Variants in CAMTA1 observed in about 807,000 individuals in gnomAD.
CAMTA1 encodes the protein calmodulin binding transcription activator 1, also known as calmodulin-binding transcription activator 1.
In CAMTA1, 27 loss-of-function variants were observed where a neutral mutation model predicts 170.9. That is an observed-to-expected ratio of 0.16 (90% CI 0.12 to 0.22). The LOEUF (loss-of-function observed/expected upper bound fraction) is 0.22, where lower values mean the gene tolerates loss of function less well. CAMTA1 is among the 10% of genes least tolerant of loss of function. CAMTA1 has a pLI of 1.00. For synonymous variants in CAMTA1, 833 were observed against 891.5 expected, an observed-to-expected ratio of 0.93 and a Z score of 1.17; for missense variants, 1,619 against 2,217.2, an observed-to-expected ratio of 0.73 and a Z score of 5.42.
intron 5 of CAMTA1, among the ~76,000 whole-genome samples, chr1:7,444,022 A>T (rs1375360093): frequency 3.3e-5 from 5 of 151,984 alleles, no homozygotes; most frequent in South Asian, 2.1e-4. Flanking sequence ...GAGTTTGCGG[A>T]GGGTGGGAGC....
At chr1:7,079,070 C>T (rs760784152) in intron 3 of CAMTA1, among the ~76,000 whole-genome samples, 5 of 152,172 alleles carry the variant, frequency 3.3e-5, no homozygotes, top group Non-Finnish European at 7.3e-5. Flanking sequence ...ATTCACAGAG[C>T]TCATACAGGA....
At chr1:7,430,858 A>G (rs2092125885) in intron 5 of CAMTA1, among the ~76,000 whole-genome samples, 1 of 152,252 alleles carries the variant, frequency 6.6e-6, no homozygotes, top group South Asian at 2.1e-4. Flanking sequence ...AGTCTCATGC[A>G]TCCCTTTGAC....
chr1:7,031,556 T>G (rs1269845219), intron 3 of CAMTA1, among the ~76,000 whole-genome samples: 1 of 152,196 alleles, frequency 6.6e-6, no homozygotes, highest in Non-Finnish European at 1.5e-5. Context: ...CTTTTTTTTC[T>G]TGAGACAGAC....
rs780086381 is a variant in CAMTA1 at position 6,965,748 on chromosome 1, C to G, written c.235-125556C>G. Among the ~76,000 whole-genome samples, 4 of 152,100 alleles carry G rather than the reference C, an allele frequency of 2.6e-5. No individual in the cohort carries two copies. The highest frequency in any genetic ancestry group is 9.7e-5 in the African/African-American group (4 of 41,404). Reference sequence around the variant, plus strand: ...CTTTGGGAGTTATTAGAGTTAGTGCCGGTTGTGACAAAAGCTGCATTTGCA... The same window carrying G: ...CTTTGGGAGTTATTAGAGTTAGTGCGGGTTGTGACAAAAGCTGCATTTGCA... On this transcript the variant is annotated intron_variant, in intron 3 of 22. Transcript: ENST00000303635. The surrounding 1 kb of genome is among the most constrained non-coding windows in gnomAD (Gnocchi z 4.1).
chr1:7,610,296 G>A (rs919363257), intron 6 of CAMTA1, among the ~76,000 whole-genome samples: 3 of 152,194 alleles, frequency 2.0e-5, no homozygotes, highest in African/African-American at 4.8e-5. Flanking sequence ...TCCCCAAACC[G>A]GTGGCTCCCT....
In CAMTA1 at chr1:6,887,568, C is replaced by T; in HGVS notation, c.234+62358C>T. ...ACCCAGATGTCTCCTCCTCTCTCTG[C>T]CTCTGGAAATGGGGCAAATTTTTCT... On this transcript the variant is annotated intron_variant, in intron 3 of 22. Coordinates refer to ENST00000303635, the MANE Select transcript of CAMTA1 (RefSeq NM_015215.4). The surrounding 1 kb of genome is among the most constrained non-coding windows in gnomAD (Gnocchi z 4.1). The T allele has an allele frequency of 6.6e-7, 1 of 1,517,192 alleles. No individual in the cohort carries two copies. The highest frequency in any genetic ancestry group is 8.8e-7 in the Non-Finnish European group (1 of 1,136,640). 94.0% of individuals were successfully genotyped at this position (1,517,192 alleles called of 1,614,324 possible).
chr1:7,253,407 G>A (rs1276439382), intron 5 of CAMTA1, among the ~76,000 whole-genome samples: 1 of 152,188 alleles, frequency 6.6e-6, no homozygotes, highest in Non-Finnish European at 1.5e-5. Flanking sequence ...TTGTGGGGCT[G>A]CCTTAGGTCC....
intron 11 of CAMTA1, among the ~76,000 whole-genome samples, chr1:7,686,384 G>A (rs2096257992): frequency 6.6e-6 from 1 of 152,132 alleles, no homozygotes; most frequent in Non-Finnish European, 1.5e-5. Context: ...TGACAGGCAG[G>A]GGCCAGCCAC....
chr1:7,561,181 C>G lies in CAMTA1; in HGVS notation c.511-79219C>G, dbSNP rs2094952641. Among the ~76,000 whole-genome samples the G allele has an allele frequency of 2.0e-5, 3 of 152,034 alleles. No homozygotes were observed. Among genetic ancestry groups the G allele is most frequent in the African/African-American group, 2.4e-5 (1 of 41,410 alleles). ...CCGGTGGGTGGTGAATGAAGGGCTC[C>G]CAGCAAACCACAGCCGATCCAGGCA... On this transcript the variant is annotated intron_variant, in intron 6 of 22. Transcript: ENST00000303635. The surrounding 1 kb of genome is among the most constrained non-coding windows in gnomAD (Gnocchi z 5.3).
At chr1:7,074,681 TG>T (rs1300953081) in intron 3 of CAMTA1, among the ~76,000 whole-genome samples, 1 of 152,364 alleles carries the variant, frequency 6.6e-6, no homozygotes, top group East Asian at 1.9e-4. Context: ...CCAAGTGAAA[TG>T]GTAGGAATAG....
chr1:7,662,760 C>T (rs184706975), intron 8 of CAMTA1, among the ~76,000 whole-genome samples: 13 of 152,262 alleles, frequency 8.5e-5, no homozygotes, highest in South Asian at 6.2e-4. Context: ...GGTACCTTTC[C>T]GCCTCTGGAG....
intron 3 of CAMTA1, among the ~76,000 whole-genome samples, chr1:6,909,076 G>C (rs1679173132): frequency 6.6e-6 from 1 of 152,178 alleles, no homozygotes; most frequent in South Asian, 2.1e-4. Flanking sequence ...ATGGTGACAG[G>C]TAGGATTAAG....
intron 2 of CAMTA1, among the ~76,000 whole-genome samples, chr1:6,824,539 G>C (rs1298578297): frequency 1.3e-5 from 2 of 152,092 alleles, no homozygotes; most frequent in Admixed American, 6.6e-5. Flanking sequence ...GACCTAGAAA[G>C]GCCAGCTTCT....
Position 7,144,135 on chromosome 1 carries a change from G to T in CAMTA1, c.302+52764G>T, listed in dbSNP as rs1646044099. ...TTTTCTTATGTTCTGGAGGCTGGAA[G>T]TCTGAGATCAGGGTGCCAGCATGGC... On this transcript the variant is annotated intron_variant, in intron 4 of 22. Coordinates refer to ENST00000303635, the MANE Select transcript of CAMTA1 (RefSeq NM_015215.4). The surrounding 1 kb of genome is among the most constrained non-coding windows in gnomAD (Gnocchi z 4.0). 6.6e-6 allele frequency among the ~76,000 whole-genome samples: 1 copy of T among 152,200 alleles called. No individual in the cohort carries two copies. The highest frequency in any genetic ancestry group is 1.5e-5 in the Non-Finnish European group (1 of 68,044).
chr1:7,677,739 A>G lies in CAMTA1; in HGVS notation c.2914+6A>G, dbSNP rs3011926. On this transcript the variant is annotated splice_donor_region_variant and intron_variant, in intron 11 of 22. Transcript: ENST00000303635. ...CGACTGGCTGTCGTTGGACGGTAAG[A>G]ACAGTGCTTGGGTCGTCTTGCCAGG... is the stretch of plus-strand genomic sequence containing the variant. 885,366 of 1,612,412 alleles carry G rather than the reference A, an allele frequency of 0.55. 244,322 individuals are homozygous for G. Among genetic ancestry groups the G allele is most frequent in the Middle Eastern group, 0.64 (3,903 of 6,056 alleles).
chr1:6,849,433 A>G (rs542635285), intron 3 of CAMTA1, among the ~76,000 whole-genome samples: 13 of 152,180 alleles, frequency 8.5e-5, no homozygotes, highest in African/African-American at 3.1e-4. Context: ...AGGCTGGAAA[A>G]TGAGAGAGGA....
At chr1:6,873,898 C>T (rs1473955684) in intron 3 of CAMTA1, among the ~76,000 whole-genome samples, 3 of 152,124 alleles carry the variant, frequency 2.0e-5, no homozygotes, top group Admixed American at 6.6e-5. Context: ...TTTGGACTAG[C>T]AAAGTCTCTG....
At chr1:6,916,441 G>A (rs1557820898) in intron 3 of CAMTA1, among the ~76,000 whole-genome samples, 3 of 143,308 alleles carry the variant, frequency 2.1e-5, no homozygotes, top group South Asian at 4.4e-4. Flanking sequence ...GGGAAACCAG[G>A]CTGCTCTCCC....
At chr1:7,355,809 G>A (rs575938124) in intron 5 of CAMTA1, among the ~76,000 whole-genome samples, 57 of 148,284 alleles carry the variant, frequency 3.8e-4, no homozygotes, top group African/African-American at 9.3e-4. Context: ...CCTTGGCTCC[G>A]GCTCACAGGC....
Sources: allele counts gnomAD v4.1 joint callset (sites outside exome capture counted in the v4.1 genomes callset), GRCh38; gene constraint gnomAD v4.1.1; non-coding constraint Gnocchi (gnomAD v3.1); transcripts MANE v1.5; gene names NCBI Gene and HGNC (gene_info 2026-07-23, HGNC 2026-07-21).